Variants in ZMAT4 observed in about 807,000 individuals in gnomAD.
ZMAT4 encodes zinc finger matrin-type 4, also known as zinc finger matrin-type protein 4.
In ZMAT4, 17 loss-of-function variants were observed where a neutral mutation model predicts 28.7. That is an observed-to-expected ratio of 0.59 (90% CI 0.41 to 0.89). ZMAT4 has a LOEUF of 0.89. Ranked by LOEUF, ZMAT4 falls within the 40% of genes least tolerant of loss-of-function variation. ZMAT4 has a pLI of 0.00. For synonymous variants in ZMAT4, 117 were observed against 109.2 expected (o/e 1.07, Z -0.44); for missense variants, 240 against 283.8 (o/e 0.85, Z 1.11).
intron 5 of ZMAT4, among the ~76,000 whole-genome samples, chr8:40,648,553 A>C (rs1807468532): frequency 7.1e-6 from 1 of 140,180 alleles, no homozygotes; most frequent in African/African-American, 2.7e-5. Flanking sequence ...GCCAACGTTC[A>C]GATTCAGGAA....
At chr8:40,673,637 G>A (rs1054653100) in intron 5 of ZMAT4, among the ~76,000 whole-genome samples, 6 of 152,150 alleles carry the variant, frequency 3.9e-5, no homozygotes, top group African/African-American at 1.4e-4. Flanking sequence ...ATGCAATTTT[G>A]CTGTACTTCT....
At chr8:40,641,236 G>A (rs967116482) in intron 5 of ZMAT4, among the ~76,000 whole-genome samples, 1 of 152,174 alleles carries the variant, frequency 6.6e-6, no homozygotes, top group African/African-American at 2.4e-5. Context: ...TGCTAACTGG[G>A]CACATTGCTA....
At chr8:40,558,714 T>C (rs563741796) in intron 6 of ZMAT4, among the ~76,000 whole-genome samples, 2 of 152,220 alleles carry the variant, frequency 1.3e-5, no homozygotes, top group South Asian at 4.1e-4. Context: ...TTGAGTCCCA[T>C]GTGAGAACTA....
intron 3 of ZMAT4, among the ~76,000 whole-genome samples, chr8:40,719,484 A>T (rs1244589964): frequency 6.6e-6 from 1 of 152,186 alleles, no homozygotes; most frequent in African/African-American, 2.4e-5. Flanking sequence ...TACTTTAATG[A>T]AGGTAAATTA....
At chr8:40,881,586 GAAAGAAAGAAAGAAAAGAA>G (rs1818267508) in intron 1 of ZMAT4, among the ~76,000 whole-genome samples, 1 of 104,912 alleles carries the variant, frequency 9.5e-6, no homozygotes, top group African/African-American at 3.9e-5. Context: ...AAGAAAGAAA[GAAAGAAAGAAAGAAAAGAA>G]AAGAAAAGAG....
intron 1 of ZMAT4, among the ~76,000 whole-genome samples, chr8:40,881,845 T>G (rs559402305): frequency 6.6e-6 from 1 of 152,168 alleles, no homozygotes; most frequent in East Asian, 1.9e-4. Context: ...CAATGTAGTG[T>G]TTAAGTGCAC....
intron 6 of ZMAT4, among the ~76,000 whole-genome samples, chr8:40,545,976 G>A (rs543262781): frequency 6.8e-6 from 1 of 146,762 alleles, no homozygotes; most frequent in East Asian, 2.0e-4. Context: ...AAGTCTATAT[G>A]TTTATCCCTA....
intron 1 of ZMAT4, among the ~76,000 whole-genome samples, chr8:40,831,708 C>CT (rs1444809333): frequency 9.9e-5 from 15 of 152,214 alleles, no homozygotes; most frequent in African/African-American, 3.6e-4. Context: ...GACACTTCAA[C>CT]TGAAGAGCAG....
At chr8:40,606,751 T>G (rs956642169) in intron 5 of ZMAT4, among the ~76,000 whole-genome samples, 1 of 152,250 alleles carries the variant, frequency 6.6e-6, no homozygotes, top group African/African-American at 2.4e-5. Context: ...GAAGTGTTCC[T>G]TGATTATTCC....
At chr8:40,639,132 C>G (rs1806909680) in intron 5 of ZMAT4, among the ~76,000 whole-genome samples, 1 of 152,210 alleles carries the variant, frequency 6.6e-6, no homozygotes, top group South Asian at 2.1e-4. Context: ...ATGCTGCAGA[C>G]AGGAGCCTGG....
At chr8:40,854,793 G>A (rs1312282907) in intron 1 of ZMAT4, among the ~76,000 whole-genome samples, 1 of 152,120 alleles carries the variant, frequency 6.6e-6, no homozygotes, top group African/African-American at 2.4e-5. Context: ...GCCCCTGCCT[G>A]GGTACTGGTA....
intron 1 of ZMAT4, among the ~76,000 whole-genome samples, chr8:40,839,527 T>C (rs1484608745): frequency 6.6e-6 from 1 of 152,252 alleles, no homozygotes; most frequent in Non-Finnish European, 1.5e-5. Flanking sequence ...TGCACTTGTA[T>C]GTTTATTACA....
At chr8:40,541,882 C>T (rs1012334162) in intron 6 of ZMAT4, among the ~76,000 whole-genome samples, 2 of 152,206 alleles carry the variant, frequency 1.3e-5, no homozygotes, top group African/African-American at 4.8e-5. Context: ...TCCTGGGGTA[C>T]ACATTCTGTG....
intron 5 of ZMAT4, among the ~76,000 whole-genome samples, chr8:40,600,219 GT>G (rs1805253216): frequency 1.3e-5 from 2 of 152,146 alleles, no homozygotes; most frequent in South Asian, 4.1e-4. Flanking sequence ...TTGTTTGTTT[GT>G]TTTTGCTTTA....
chr8:40,599,141 C>T (rs778211027), intron 5 of ZMAT4, among the ~76,000 whole-genome samples: 1 of 152,138 alleles, frequency 6.6e-6, no homozygotes, highest in Non-Finnish European at 1.5e-5. Context: ...TTTCTCTCTC[C>T]TCCATCTCTC....
At chr8:40,689,053 A>G (rs1181197159) in intron 4 of ZMAT4, among the ~76,000 whole-genome samples, 1 of 152,228 alleles carries the variant, frequency 6.6e-6, no homozygotes, top group Non-Finnish European at 1.5e-5. Flanking sequence ...AGCAGCTTAA[A>G]AACAGTGTGT....
intron 5 of ZMAT4, among the ~76,000 whole-genome samples, chr8:40,643,310 T>A (rs1043481250): frequency 7.2e-5 from 11 of 152,206 alleles, no homozygotes; most frequent in African/African-American, 2.4e-4. Context: ...ACTGTTCTCA[T>A]CTTTCCATTG....
At chr8:40,680,490 C>A (rs1359274405) in intron 4 of ZMAT4, among the ~76,000 whole-genome samples, 1 of 152,144 alleles carries the variant, frequency 6.6e-6, no homozygotes, top group Non-Finnish European at 1.5e-5. Flanking sequence ...ACCAAGAAGA[C>A]AAGATCCACG....
chr8:40,713,706 C>T (rs1383892834), intron 3 of ZMAT4, among the ~76,000 whole-genome samples: 4 of 151,692 alleles, frequency 2.6e-5, no homozygotes, highest in Non-Finnish European at 4.4e-5. Flanking sequence ...GTCAGGAGTT[C>T]GAGACCAGCC....
Sources: allele counts gnomAD v4.1 joint callset (sites outside exome capture counted in the v4.1 genomes callset), GRCh38; gene constraint gnomAD v4.1.1; transcripts MANE v1.5; gene names NCBI Gene and HGNC (gene_info 2026-07-23, HGNC 2026-07-21).